The following ZNF717 variants were observed in gnomAD, a reference collection of about 807,000 sequenced individuals.
The protein encoded by ZNF717 is zinc finger protein 717.
In ZNF717, 9 loss-of-function variants were observed where a neutral mutation model predicts 13.8. The observed-to-expected ratio is 0.65, with a 90% CI of 0.39 to 1.14. ZNF717 has a LOEUF of 1.14. ZNF717 is among the 50% of genes most tolerant of loss of function. ZNF717 has a pLI of 0.01. For synonymous variants in ZNF717, 327 were observed against 364.1 expected (o/e 0.90, Z 1.16); for missense variants, 1,040 against 1,080.7 (o/e 0.96, Z 0.53).
At chr3:75,781,578 T>A (rs1015634437) in intron 2 of ZNF717, among the ~76,000 whole-genome samples, 1 of 152,216 alleles carries the variant, frequency 6.6e-6, no homozygotes, top group African/African-American at 2.4e-5. Flanking sequence ...TTGTTTTTAA[T>A]ATGAATAGAC....
intron 4 of ZNF717, among the ~76,000 whole-genome samples, chr3:75,717,863 C>T (rs1427420939): frequency 2.0e-5 from 3 of 152,200 alleles, no homozygotes; most frequent in Non-Finnish European, 2.9e-5. Flanking sequence ...TCATTTTCAA[C>T]AGGCACCAGT....
intron 2 of ZNF717, among the ~76,000 whole-genome samples, chr3:75,759,897 A>G (rs1359455858): frequency 6.8e-6 from 1 of 146,870 alleles, no homozygotes; most frequent in African/African-American, 2.5e-5. Context: ...TTAAAAATTA[A>G]TGAAAAACAG....
intron 2 of ZNF717, among the ~76,000 whole-genome samples, chr3:75,751,698 T>C (rs1471384012): frequency 6.6e-6 from 1 of 150,978 alleles, no homozygotes; most frequent in Non-Finnish European, 1.5e-5. Flanking sequence ...TTCTGAATAT[T>C]TGCCCTCACA....
At chr3:75,771,129 T>A (rs1943841513) in intron 2 of ZNF717, among the ~76,000 whole-genome samples, 1 of 152,230 alleles carries the variant, frequency 6.6e-6, no homozygotes, top group Admixed American at 6.5e-5. Flanking sequence ...AGCTGAGTCC[T>A]GGCCAATCCC....
Position 75,769,816 on chromosome 3 carries a change from G to A in ZNF717, c.57+13490C>T, listed in dbSNP as rs371843993. On this transcript the variant is annotated intron_variant, in intron 2 of 4. Coordinates refer to ENST00000652011, the MANE Select transcript of ZNF717 (RefSeq NM_001290208.3). ...CGTTTTTCCTTACTCATTTTAAGCG[G>A]CTATCTGAAATAGGAAGTGTAATAT... 4.6e-4 allele frequency among the ~76,000 whole-genome samples: 70 copies of A among 152,274 alleles called. 1 individual carries two copies. The South Asian group carries it at 0.014, about 30-fold the overall frequency.
At chr3:75,716,337 T>C (rs1469889014) in intron 5 of ZNF717, 3 of 152,228 alleles carry the variant, frequency 2.0e-5, no homozygotes, top group African/African-American at 7.2e-5. Flanking sequence ...CTAGAATATA[T>C]GCCTCACAGA....
chr3:75,781,089 A>C (rs1482687230), intron 2 of ZNF717, among the ~76,000 whole-genome samples: 1 of 152,278 alleles, frequency 6.6e-6, no homozygotes, highest in African/African-American at 2.4e-5. Context: ...AAGTGAACTA[A>C]GTATGGCCTG....
At chr3:75,760,981 G>GA (rs1464649388) in intron 2 of ZNF717, among the ~76,000 whole-genome samples, 8 of 151,960 alleles carry the variant, frequency 5.3e-5, no homozygotes, top group Non-Finnish European at 2.9e-5. Flanking sequence ...CCACAGAAAT[G>GA]AAAAAGATTA....
chr3:75,767,511 A>C (rs2107615286), intron 2 of ZNF717, among the ~76,000 whole-genome samples: 1 of 152,372 alleles, frequency 6.6e-6, no homozygotes, highest in Admixed American at 6.5e-5. Context: ...TGTGAGGCTG[A>C]GCTGTAACTG....
chr3:75,705,730 G>T (rs1223107500), downstream of ZNF717, among the ~76,000 whole-genome samples: 1 of 152,018 alleles, frequency 6.6e-6, no homozygotes, highest in African/African-American at 2.4e-5. Flanking sequence ...GCCCTCTCTG[G>T]GAAGTGACAG....
Position 75,773,331 on chromosome 3 carries a change from A to C in ZNF717, c.57+9975T>G, listed in dbSNP as rs531416363. Among the ~76,000 whole-genome samples, 3 of 152,368 alleles carry C rather than the reference A, an allele frequency of 2.0e-5. No homozygotes were observed. In the East Asian group the frequency reaches 5.8e-4, roughly 29 times the overall value. Reference sequence around the variant, plus strand: ...AATACGTTAGGCCTGGGAAGCAGCAAAGTCTTACAGAAACGGCAAAATCTT... The same window carrying C: ...AATACGTTAGGCCTGGGAAGCAGCACAGTCTTACAGAAACGGCAAAATCTT... On this transcript the variant is annotated intron_variant, in intron 2 of 4. Transcript: ENST00000652011.
chr3:75,735,309 A>G (rs903299045), downstream of ZNF717, among the ~76,000 whole-genome samples: 2 of 152,180 alleles, frequency 1.3e-5, no homozygotes, highest in Admixed American at 1.3e-4. Flanking sequence ...GCAAGTCTAT[A>G]CTGCAAACTC....
At chr3:75,734,813 ATATATTT>A (rs1345687183), downstream of ZNF717, among the ~76,000 whole-genome samples, 347 of 59,798 alleles carry the variant, frequency 5.8e-3, no homozygotes, top group Admixed American at 0.029. Context: ...ATATATATAT[ATATATTT>A]TTTTTTTTTT....
chr3:75,784,664 T>C (rs920811859), intron 1 of ZNF717: 6 of 152,248 alleles, frequency 3.9e-5, no homozygotes, highest in African/African-American at 1.4e-4. Flanking sequence ...CTCAGCCGAA[T>C]TCACCTCAAC....
At chr3:75,764,886 G>A (rs1943311480) in intron 2 of ZNF717, among the ~76,000 whole-genome samples, 1 of 151,824 alleles carries the variant, frequency 6.6e-6, no homozygotes, top group Admixed American at 6.6e-5. Flanking sequence ...CTAGTAGCAG[G>A]ACCTCAAACA....
chr3:75,774,188 C>A (rs1401261465), intron 2 of ZNF717, among the ~76,000 whole-genome samples: 3 of 138,804 alleles, frequency 2.2e-5, no homozygotes, highest in African/African-American at 2.9e-5. Flanking sequence ...AAATAAACTA[C>A]CAAAAAAAAA....
intron 4 of ZNF717, among the ~76,000 whole-genome samples, chr3:75,723,005 T>C (rs1938198719): frequency 6.6e-6 from 1 of 152,224 alleles, no homozygotes; most frequent in East Asian, 1.9e-4. Flanking sequence ...TTTTATCATA[T>C]TGGCATGGCC....
chr3:75,779,118 G>C (rs111925599), intron 2 of ZNF717, among the ~76,000 whole-genome samples: 2 of 149,020 alleles, frequency 1.3e-5, no homozygotes, highest in Non-Finnish European at 3.0e-5. Context: ...TGGGATTGAC[G>C]TGCTAAAACC....
chr3:75,741,960 T>C (rs1940521434), intron 2 of ZNF717: 1 of 544,348 alleles, frequency 1.8e-6, no homozygotes, highest in Non-Finnish European at 3.2e-6. Context: ...GGTGTGTCCA[T>C]GTGTCTTATG....
Sources: allele counts gnomAD v4.1 joint callset (sites outside exome capture counted in the v4.1 genomes callset), GRCh38; gene constraint gnomAD v4.1.1; transcripts MANE v1.5; gene names NCBI Gene and HGNC (gene_info 2026-07-23, HGNC 2026-07-21).